DAB1: variants seen among roughly 807,000 people sequenced by gnomAD.
DAB1 encodes the protein DAB adaptor protein 1.
DAB1 carries 15 observed loss-of-function variants against 64.6 expected under a neutral mutation model. That is an observed-to-expected ratio of 0.23 (90% CI 0.16 to 0.36). The LOEUF (loss-of-function observed/expected upper bound fraction) is 0.36. DAB1 is among the 10% of genes least tolerant of loss of function. The pLI, the probability that DAB1 is intolerant of heterozygous loss-of-function variation, is 1.00. For synonymous variants in DAB1, 235 were observed against 251.9 expected (o/e 0.93, Z 0.64); for missense variants, 596 against 706.7 (o/e 0.84, Z 1.78).
At chr1:58,074,440 T>G (rs996886327) in intron 5 of DAB1, 4 of 144,390 alleles carry the variant, frequency 2.8e-5, no homozygotes, top group African/African-American at 1.0e-4. Flanking sequence ...GTATCCAGGA[T>G]TTCTACTAGT....
At chr1:58,343,203 A>G (rs377693222) in intron 4 of DAB1, 14 of 151,858 alleles carry the variant, frequency 9.2e-5, no homozygotes, top group African/African-American at 3.4e-4. Flanking sequence ...TTTCTCTACC[A>G]CTGGGATGCT....
chr1:58,322,840 C>T (rs1208644553), intron 4 of DAB1, among the ~76,000 whole-genome samples: 1 of 152,124 alleles, frequency 6.6e-6, no homozygotes, highest in African/African-American at 2.4e-5. Context: ...GGAACCAACC[C>T]AAATGTCCAT....
chr1:58,261,706 GT>G (rs1050634496), intron 4 of DAB1, among the ~76,000 whole-genome samples: 1 of 151,196 alleles, frequency 6.6e-6, no homozygotes, highest in African/African-American at 2.5e-5. Context: ...AGATCAATTT[GT>G]TTTTTTGTTT....
At chr1:57,397,559 A>G (rs2101020769) in intron 1 of DAB1, among the ~76,000 whole-genome samples, 1 of 152,332 alleles carries the variant, frequency 6.6e-6, no homozygotes, top group Non-Finnish European at 1.5e-5. Flanking sequence ...GAGCTAAGTC[A>G]GAAAAGAGAG....
intron 4 of DAB1, among the ~76,000 whole-genome samples, chr1:58,225,111 A>G (rs1659392980): frequency 6.6e-6 from 1 of 151,768 alleles, no homozygotes; most frequent in Admixed American, 6.6e-5. Flanking sequence ...AAACAAATTT[A>G]CAAGAAAAAA....
intron 7 of DAB1, among the ~76,000 whole-genome samples, chr1:57,591,274 G>GGAGGAATAA (rs1645442771): frequency 6.6e-6 from 1 of 152,296 alleles, no homozygotes; most frequent in Admixed American, 6.5e-5. Flanking sequence ...TCTGAATAAT[G>GGAGGAATAA]AGGAAAACAA....
intron 5 of DAB1, among the ~76,000 whole-genome samples, chr1:57,907,912 A>T (rs12070876): frequency 7.5e-6 from 1 of 133,908 alleles, no homozygotes; most frequent in Non-Finnish European, 1.6e-5. Context: ...ATATATATAT[A>T]ATATATATAT....
chr1:57,323,932 G>A (rs1270207852), intron 1 of DAB1, among the ~76,000 whole-genome samples: 1 of 152,024 alleles, frequency 6.6e-6, no homozygotes, highest in African/African-American at 2.4e-5. Flanking sequence ...TTTGCTGAAG[G>A]TGAGTGGGAT....
At chr1:57,074,959 G>A (rs149290500) in intron 4 of DAB1, among the ~76,000 whole-genome samples, 127 of 152,220 alleles carry the variant, frequency 8.3e-4, no homozygotes, top group African/African-American at 2.8e-3. Context: ...ATTTACATTC[G>A]CACAACATGG....
At chr1:57,289,790 C>G (rs1403959730) in intron 2 of DAB1, among the ~76,000 whole-genome samples, 2 of 152,168 alleles carry the variant, frequency 1.3e-5, no homozygotes, top group Non-Finnish European at 2.9e-5. Flanking sequence ...AGAGCTCTGT[C>G]AATCCTCTCC....
intron 3 of DAB1, among the ~76,000 whole-genome samples, chr1:58,454,515 C>A (rs849592): frequency 0.8 from 122,159 of 152,082 alleles, 50,442 homozygotes; most frequent in African/African-American, 0.92. Flanking sequence ...GCTTTGTCGA[C>A]GGATGTCAGG....
chr1:57,945,954 G>T (rs538218442), intron 5 of DAB1, among the ~76,000 whole-genome samples: 17 of 152,280 alleles, frequency 1.1e-4, no homozygotes, highest in Non-Finnish European at 2.4e-4. Flanking sequence ...ACCACATGCT[G>T]CCATGTACTG....
intron 9 of DAB1, among the ~76,000 whole-genome samples, chr1:57,058,535 C>T (rs545425176): frequency 5.9e-5 from 9 of 152,294 alleles, no homozygotes; most frequent in South Asian, 2.1e-4. Context: ...CTGTCCTCAA[C>T]GGACTTACAA....
In DAB1 at chr1:57,023,573, C is replaced by T. The variant is rs769403012; in HGVS notation, c.853G>A (p.Val285Met). Residue 285 changes from valine (V) to methionine (M), a missense_variant, in exon 11 of 15, where the codon GTG becomes ATG. Coordinates refer to ENST00000371236, the MANE Select transcript of DAB1 (RefSeq NM_001365792.1). Reference protein sequence around the residue: ...SSQTLPASADVFSSVPFGTAA... With the variant: ...SSQTLPASADMFSSVPFGTAA... ...GTGCCGAAAGGTACAGAACTAAACA[C>T]ATCTGCACTCGCTGGAAGGGTCTGA... 8.1e-6 allele frequency: 13 copies of T among 1,611,910 alleles called. No individual in the cohort carries two copies. The South Asian group carries it at 1.3e-4, about 17-fold the overall frequency.
chr1:58,494,508 C>T (rs1390224306), intron 3 of DAB1, among the ~76,000 whole-genome samples: 1 of 152,004 alleles, frequency 6.6e-6, no homozygotes, highest in Non-Finnish European at 1.5e-5. Flanking sequence ...AAAATTTTTG[C>T]AATCTACTCA....
chr1:57,399,913 A>G (rs1025480394), intron 1 of DAB1, among the ~76,000 whole-genome samples: 1 of 152,180 alleles, frequency 6.6e-6, no homozygotes, highest in African/African-American at 2.4e-5. Context: ...CCAGAGTGAA[A>G]ATGATAATTG....
chr1:57,928,368 C>A (rs1004849334), intron 5 of DAB1, among the ~76,000 whole-genome samples: 1 of 152,012 alleles, frequency 6.6e-6, no homozygotes, highest in Admixed American at 6.6e-5. Context: ...CTCTCCACCC[C>A]CATACATGTA....
chr1:58,302,556 A>G (rs185722124), intron 4 of DAB1, among the ~76,000 whole-genome samples: 49 of 152,110 alleles, frequency 3.2e-4, no homozygotes, highest in Admixed American at 1.3e-3. Flanking sequence ...GCATTGTGCT[A>G]GTAACCTATA....
At chr1:58,504,639 T>C (rs779091976) in intron 3 of DAB1, among the ~76,000 whole-genome samples, 1 of 152,214 alleles carries the variant, frequency 6.6e-6, no homozygotes, top group Non-Finnish European at 1.5e-5. Flanking sequence ...TCCCCAGCAA[T>C]AGAACACAGA....
Sources: gnomAD v4.1 joint callset for allele counts (sites outside exome capture counted in the v4.1 genomes callset) on GRCh38, gnomAD v4.1.1 for gene constraint, MANE v1.5 for transcripts, NCBI Gene and HGNC (gene_info 2026-07-23, HGNC 2026-07-21) for gene names.